Variants in ANKS1B observed in about 807,000 individuals in gnomAD.
ANKS1B encodes ankyrin repeat and sterile alpha motif domain-containing protein 1B.
Under a neutral mutation model 148.3 loss-of-function variants are expected in ANKS1B, and 36 were observed. The observed-to-expected ratio is 0.24, with a 90% CI of 0.19 to 0.32. The LOEUF (loss-of-function observed/expected upper bound fraction) is 0.32, where lower values mean the gene tolerates loss of function less well. Among genes scored for constraint, ANKS1B ranks in the 10% least tolerant of loss-of-function variants. ANKS1B has a pLI of 1.00. For synonymous variants in ANKS1B, 542 were observed against 560.8 expected (o/e 0.97, Z 0.47); for missense variants, 1,157 against 1,542.6 (o/e 0.75, Z 4.19).
chr12:99,596,717 G>T (rs1271728134), intron 9 of ANKS1B, among the ~76,000 whole-genome samples: 1 of 151,870 alleles, frequency 6.6e-6, no homozygotes, highest in Non-Finnish European at 1.5e-5. Flanking sequence ...TAATTAAAAT[G>T]TTTATTACCA....
chr12:99,575,988 G>C (rs1036540271), intron 9 of ANKS1B, among the ~76,000 whole-genome samples: 1 of 152,028 alleles, frequency 6.6e-6, no homozygotes, highest in Non-Finnish European at 1.5e-5. Context: ...ACCCAGCTAT[G>C]TGTTGTTAAG....
At chr12:99,619,477 C>CAG (rs2098017550) in intron 9 of ANKS1B, among the ~76,000 whole-genome samples, 1 of 152,074 alleles carries the variant, frequency 6.6e-6, no homozygotes, top group Non-Finnish European at 1.5e-5. Flanking sequence ...CACACCCAGG[C>CAG]AGATCTCCAG....
intron 1 of ANKS1B, among the ~76,000 whole-genome samples, chr12:99,977,632 T>C (rs140389074): frequency 0.015 from 2,294 of 152,336 alleles, 25 homozygotes; most frequent in Middle Eastern, 0.034. Flanking sequence ...GTATTTGATA[T>C]CCTACTGACA....
rs554184412 is a variant in ANKS1B at position 99,163,375 on chromosome 12, C to T, written c.2420-8980G>A. Among the ~76,000 whole-genome samples, 283 of 151,876 alleles carry T rather than the reference C, an allele frequency of 1.9e-3. 1 individual carries two copies. The highest frequency in any genetic ancestry group is 3.5e-3 in the Admixed American group (54 of 15,242). ...TCTCCAGTTGTGACATCCTGTATGA[C>T]TTTAGCACAGTATCACAATATCACA... On this transcript the variant is annotated intron_variant, in intron 14 of 26. Transcript: ENST00000683438.
intron 1 of ANKS1B, among the ~76,000 whole-genome samples, chr12:99,898,107 ATTG>A (rs1271662374): frequency 6.6e-6 from 1 of 152,178 alleles, no homozygotes; most frequent in African/African-American, 2.4e-5. Flanking sequence ...ATTTGCTATT[ATTG>A]TTGTTATTAT....
intron 8 of ANKS1B, among the ~76,000 whole-genome samples, chr12:99,737,265 G>C (rs997583254): frequency 1.3e-5 from 2 of 152,028 alleles, no homozygotes; most frequent in Non-Finnish European, 2.9e-5. Context: ...ATTCACAACA[G>C]CAAAGACATG....
At chr12:99,815,892 G>A (rs1167587669) in intron 2 of ANKS1B, among the ~76,000 whole-genome samples, 3 of 151,648 alleles carry the variant, frequency 2.0e-5, no homozygotes, top group Admixed American at 6.6e-5. Context: ...TCCACTCATT[G>A]GCACTTAGGT....
chr12:98,753,826 C>T (rs2098158452), intron 25 of ANKS1B, among the ~76,000 whole-genome samples: 1 of 152,214 alleles, frequency 6.6e-6, no homozygotes, highest in Non-Finnish European at 1.5e-5. Flanking sequence ...TGCAACTAAG[C>T]TGGCCCTCTC....
At chr12:98,803,225 C>T (rs10492277) in intron 20 of ANKS1B, among the ~76,000 whole-genome samples, 36,825 of 151,852 alleles carry the variant, frequency 0.24, 5,038 homozygotes, top group Non-Finnish European at 0.31. Flanking sequence ...ATATAGGATA[C>T]GTGGATTTCA....
intron 10 of ANKS1B, among the ~76,000 whole-genome samples, chr12:99,495,247 C>G (rs756549739): frequency 6.6e-6 from 1 of 152,020 alleles, no homozygotes; most frequent in Non-Finnish European, 1.5e-5. Flanking sequence ...AATCATCAAC[C>G]TAGCAGGAGT....
At chr12:99,192,446 A>G (rs1484731790) in intron 14 of ANKS1B, among the ~76,000 whole-genome samples, 1 of 152,190 alleles carries the variant, frequency 6.6e-6, no homozygotes, top group Non-Finnish European at 1.5e-5. Flanking sequence ...CTTCTGATTA[A>G]CAAATTTGTA....
chr12:99,463,629 G>A lies in ANKS1B; in HGVS notation c.1439-19820C>T, dbSNP rs566169412. On this transcript the variant is annotated intron_variant, in intron 10 of 26. Coordinates refer to ENST00000683438, the MANE Select transcript of ANKS1B (RefSeq NM_001352186.2). ...GACAGGCTTAAAAAACGGTGCACCAGGAGATTATATCCTGTGCATGGCTCG... is the reference window on the plus strand; with the variant it reads ...GACAGGCTTAAAAAACGGTGCACCAAGAGATTATATCCTGTGCATGGCTCG... 2.6e-5 allele frequency among the ~76,000 whole-genome samples: 4 copies of A among 152,326 alleles called. No homozygotes were observed. In the South Asian group the frequency reaches 8.3e-4, roughly 32 times the overall value.
chr12:99,713,725 T>C (rs2056934776), intron 8 of ANKS1B, among the ~76,000 whole-genome samples: 1 of 152,198 alleles, frequency 6.6e-6, no homozygotes. Flanking sequence ...TTTTCTCTAT[T>C]ATGTTCCTCA....
chr12:98,823,317 T>C (rs1014685929), intron 19 of ANKS1B, among the ~76,000 whole-genome samples: 4 of 152,170 alleles, frequency 2.6e-5, no homozygotes, highest in African/African-American at 7.2e-5. Flanking sequence ...GTATTAAGAG[T>C]TGCTCTTTAG....
chr12:99,707,135 T>C (rs2055927488), intron 8 of ANKS1B, among the ~76,000 whole-genome samples: 1 of 152,120 alleles, frequency 6.6e-6, no homozygotes, highest in South Asian at 2.1e-4. Context: ...GACCATGATT[T>C]GAGCACCTCT....
At chr12:99,498,406 T>G (rs11109871) in intron 10 of ANKS1B, among the ~76,000 whole-genome samples, 3 of 151,990 alleles carry the variant, frequency 2.0e-5, no homozygotes, top group Admixed American at 2.0e-4. Context: ...TCTTTCACCC[T>G]CTCTGCATCT....
chr12:98,791,598 A>C (rs902811584), intron 22 of ANKS1B, among the ~76,000 whole-genome samples: 20 of 152,180 alleles, frequency 1.3e-4, no homozygotes, highest in African/African-American at 4.6e-4. Context: ...CCCGGCTAGA[A>C]TGCAGTGGCT....
At chr12:99,874,968 C>A (rs1459638367) in intron 1 of ANKS1B, among the ~76,000 whole-genome samples, 1 of 152,150 alleles carries the variant, frequency 6.6e-6, no homozygotes, top group Admixed American at 6.5e-5. Context: ...GAGATACATT[C>A]CTGCTTCATC....
intron 14 of ANKS1B, among the ~76,000 whole-genome samples, chr12:99,171,724 T>C (rs1169560044): frequency 6.6e-6 from 1 of 152,218 alleles, no homozygotes; most frequent in African/African-American, 2.4e-5. Context: ...ATATAGGCCA[T>C]ACCTGATTGG....
Sources: gnomAD v4.1 joint callset for allele counts (sites outside exome capture counted in the v4.1 genomes callset) on GRCh38, gnomAD v4.1.1 for gene constraint, MANE v1.5 for transcripts, NCBI Gene and HGNC (gene_info 2026-07-23, HGNC 2026-07-21) for gene names.